Variants in ITGA1 observed in about 807,000 individuals in gnomAD.
ITGA1 encodes the protein integrin subunit alpha 1.
ITGA1 carries 85 observed loss-of-function variants against 145.9 expected under a neutral mutation model. The ratio of observed to expected loss-of-function variants is 0.58; its 90% CI spans 0.49 to 0.70. The LOEUF (loss-of-function observed/expected upper bound fraction) is 0.70. Among genes scored for constraint, ITGA1 ranks in the 30% least tolerant of loss-of-function variants. The pLI, the probability that ITGA1 is intolerant of heterozygous loss-of-function variation, is 0.00. For synonymous variants in ITGA1, 520 were observed against 495.3 expected (o/e 1.05, Z -0.66); for missense variants, 1,351 against 1,418.7 (o/e 0.95, Z 0.77).
chr5:52,862,008 G>A (rs1468166332), intron 3 of ITGA1, among the ~76,000 whole-genome samples: 1 of 151,036 alleles, frequency 6.6e-6, no homozygotes, highest in Non-Finnish European at 1.5e-5. Flanking sequence ...ACCTGAGGTC[G>A]GGAGTTCGAG....
chr5:52,909,155 C>G (rs1750459225), intron 13 of ITGA1, 114 bp downstream of exon 13: 11 of 1,117,022 alleles, frequency 9.8e-6, no homozygotes, highest in Non-Finnish European at 1.4e-5. Flanking sequence ...AAGAAGCTAT[C>G]AGGATTCATT....
chr5:52,809,320 A>G (rs1447645220), intron 1 of ITGA1, among the ~76,000 whole-genome samples: 2 of 152,108 alleles, frequency 1.3e-5, no homozygotes, highest in East Asian at 3.9e-4. Flanking sequence ...TAGTAATAGC[A>G]GTGCAATCTG....
At chr5:52,912,711 AGT>A (rs67318879) in intron 14 of ITGA1, among the ~76,000 whole-genome samples, 22,025 of 132,074 alleles carry the variant, frequency 0.17, 2,072 homozygotes, top group East Asian at 0.35. Flanking sequence ...CTATATATAT[AGT>A]GTGTGTGTGT....
At chr5:52,894,157 A>T (rs773179907) in intron 9 of ITGA1, among the ~76,000 whole-genome samples, 1 of 152,090 alleles carries the variant, frequency 6.6e-6, no homozygotes, top group Non-Finnish European at 1.5e-5. Flanking sequence ...TTTCTGTTAC[A>T]TAGATTTGGA....
intron 26 of ITGA1, 76 bp from the exon 27 acceptor site, chr5:52,944,867 A>G: frequency 1.0e-6 from 1 of 968,206 alleles, no homozygotes. Context: ...GCTTTTATAA[A>G]TGTCCTACTC....
intron 15 of ITGA1, among the ~76,000 whole-genome samples, chr5:52,916,596 A>T (rs1010897636): frequency 6.6e-6 from 1 of 152,136 alleles, no homozygotes; most frequent in Non-Finnish European, 1.5e-5. Context: ...CACATACAAT[A>T]ATCACTATTT....
intron 13 of ITGA1, among the ~76,000 whole-genome samples, chr5:52,909,776 T>C (rs1389773768): frequency 6.6e-6 from 1 of 151,874 alleles, no homozygotes; most frequent in East Asian, 1.9e-4. Flanking sequence ...GGGTTTTTTT[T>C]TTTTTTCCTT....
intron 1 of ITGA1, among the ~76,000 whole-genome samples, chr5:52,807,215 A>G (rs937471625): frequency 1.3e-5 from 2 of 152,204 alleles, no homozygotes; most frequent in Non-Finnish European, 2.9e-5. Context: ...CAAATTCAAG[A>G]GCAAAATGTT....
chr5:52,881,691 C>T (rs1157865682), intron 6 of ITGA1, among the ~76,000 whole-genome samples, 182 bp from the exon 7 acceptor site: 1 of 152,186 alleles, frequency 6.6e-6, no homozygotes, highest in Non-Finnish European at 1.5e-5. Flanking sequence ...TGCTTTTGTT[C>T]TTTGGACTAC....
chr5:52,853,685 T>G (rs1354862099), intron 2 of ITGA1, among the ~76,000 whole-genome samples: 1 of 152,190 alleles, frequency 6.6e-6, no homozygotes, highest in Non-Finnish European at 1.5e-5. Flanking sequence ...GAAGTGTAAT[T>G]TATATCTTTT....
intron 19 of ITGA1, 81 bp from the exon 20 acceptor site, chr5:52,927,503 C>G: frequency 1.1e-6 from 1 of 935,404 alleles, no homozygotes; most frequent in Middle Eastern, 2.2e-4. Flanking sequence ...CACCAAGACA[C>G]ATCTGGGAAA....
chr5:52,915,679 A>G (rs1212177332), intron 15 of ITGA1, 85 bp downstream of exon 15: 2 of 1,488,348 alleles, frequency 1.3e-6, no homozygotes, highest in African/African-American at 1.4e-5. Flanking sequence ...GTCATACCAA[A>G]TATCTATTTC....
intron 10 of ITGA1, 66 bp from the exon 11 acceptor site, chr5:52,898,173 T>G (rs900225954): frequency 1.7e-5 from 17 of 1,027,936 alleles, no homozygotes; most frequent in Non-Finnish European, 2.3e-5. Context: ...ACATTGTTAA[T>G]GGTGTTTAAG....
At chr5:52,912,713 TG>T in intron 14 of ITGA1, among the ~76,000 whole-genome samples, 1 of 13,400 alleles carries the variant, frequency 7.5e-5, no homozygotes, top group Non-Finnish European at 1.6e-4. Flanking sequence ...ATATATATAG[TG>T]TGTGTGTGTG....
chr5:52,835,501 A>G (rs1421204682), intron 1 of ITGA1, among the ~76,000 whole-genome samples: 1 of 152,192 alleles, frequency 6.6e-6, no homozygotes, highest in Non-Finnish European at 1.5e-5. Flanking sequence ...AAGATGTTTC[A>G]GGGAACTGCG....
chr5:52,834,649 G>A (rs1440668403), intron 1 of ITGA1, among the ~76,000 whole-genome samples: 3 of 147,348 alleles, frequency 2.0e-5, no homozygotes, highest in East Asian at 3.9e-4. Context: ...CAGAAAGAAA[G>A]AAAAAGAAAG....
chr5:52,859,732 C>T (rs1453552127), intron 2 of ITGA1, among the ~76,000 whole-genome samples: 1 of 152,200 alleles, frequency 6.6e-6, no homozygotes, highest in Non-Finnish European at 1.5e-5. Flanking sequence ...CCAACTTTCC[C>T]AGCATCTTTT....
chr5:52,916,579 A>C (rs1231531098), intron 15 of ITGA1, among the ~76,000 whole-genome samples: 1 of 152,148 alleles, frequency 6.6e-6, no homozygotes, highest in Non-Finnish European at 1.5e-5. Context: ...TGGTACAGTA[A>C]ATTGTGCACA....
intron 1 of ITGA1, among the ~76,000 whole-genome samples, chr5:52,827,086 GA>G (rs1332526958): frequency 7.6e-6 from 1 of 131,232 alleles, no homozygotes; most frequent in Non-Finnish European, 1.6e-5. Flanking sequence ...ATGCCATTAA[GA>G]ACTTTTTTTT....
Sources: allele counts gnomAD v4.1 joint callset (sites outside exome capture counted in the v4.1 genomes callset), GRCh38; gene constraint gnomAD v4.1.1; transcripts MANE v1.5; gene names NCBI Gene and HGNC (gene_info 2026-07-23, HGNC 2026-07-21).